AGBL1: variants seen among roughly 807,000 people sequenced by gnomAD.
The protein encoded by AGBL1 is cytosolic carboxypeptidase 4.
AGBL1 carries 130 observed loss-of-function variants against 118.9 expected under a neutral mutation model. That is an observed-to-expected ratio of 1.09 (90% confidence interval 0.95 to 1.26). The LOEUF is 1.26. Among genes scored for constraint, AGBL1 ranks in the 50% most tolerant of loss-of-function variants. AGBL1 has a pLI of 0.00. For synonymous variants in AGBL1, 555 were observed against 478.9 expected, an observed-to-expected ratio of 1.16 and a Z score of -2.08; for missense variants, 1,584 against 1,298.1, an observed-to-expected ratio of 1.22 and a Z score of -3.38.
At chr15:86,459,676 C>A (rs2082305913) in intron 18 of AGBL1, among the ~76,000 whole-genome samples, 1 of 152,092 alleles carries the variant, frequency 6.6e-6, no homozygotes, top group South Asian at 2.1e-4. Context: ...CTCAATTAAT[C>A]CCTACCACAT....
chr15:86,142,011 C>T lies in AGBL1; in HGVS notation c.59C>T (p.Ser20Phe). 6.5e-7 allele frequency: 1 copy of T among 1,550,030 alleles called. No individual in the cohort carries two copies. Among genetic ancestry groups the T allele is most frequent in the South Asian group, 1.2e-5 (1 of 83,896 alleles). Residue 20 changes from serine to phenylalanine, a missense_variant, in exon 2 of 23, where the codon TCT (serine) becomes TTT (phenylalanine). Physicochemically the swap from Ser to Phe is radical, Grantham distance 155. Coordinates refer to ENST00000614907, the MANE Select transcript of AGBL1 (RefSeq NM_001386094.1). ...QVLLHTLQSS[S>F]DKESILTILK... is the part of the protein sequence containing the mutation. ...CCTGTGTTCTCATTGCAGAGCTCCT[C>T]TGACAAGGAGTCCATCCTGACCATC...
intron 19 of AGBL1, among the ~76,000 whole-genome samples, chr15:86,530,362 A>C (rs947356757): frequency 7.4e-6 from 1 of 135,678 alleles, no homozygotes; most frequent in Non-Finnish European, 1.5e-5. Flanking sequence ...GAGACAAAGA[A>C]GGCCATTACA....
At chr15:86,506,361 G>A (rs2082977442) in intron 18 of AGBL1, among the ~76,000 whole-genome samples, 1 of 151,936 alleles carries the variant, frequency 6.6e-6, no homozygotes. Context: ...TCGGTGGTTT[G>A]CCCATTGGTT....
At chr15:86,725,448 C>T (rs1182629152) in intron 22 of AGBL1, among the ~76,000 whole-genome samples, 1 of 152,138 alleles carries the variant, frequency 6.6e-6, no homozygotes, top group African/African-American at 2.4e-5. Flanking sequence ...TTTAGCAGAG[C>T]ATGGGTGAAG....
At chr15:86,197,058 C>T (rs2077825199) in intron 5 of AGBL1, among the ~76,000 whole-genome samples, 1 of 152,178 alleles carries the variant, frequency 6.6e-6, no homozygotes, top group Admixed American at 6.5e-5. Flanking sequence ...TTGCTTAACC[C>T]ACCCAGTCTC....
chr15:86,156,493 G>A (rs149187195), intron 4 of AGBL1, among the ~76,000 whole-genome samples: 8 of 152,234 alleles, frequency 5.3e-5, no homozygotes, highest in South Asian at 2.1e-4. Flanking sequence ...GTCCTACTCC[G>A]AGGTACTGAA....
intron 21 of AGBL1, among the ~76,000 whole-genome samples, chr15:86,565,966 T>G (rs2083907327): frequency 6.6e-6 from 1 of 152,220 alleles, no homozygotes; most frequent in South Asian, 2.1e-4. Flanking sequence ...TGCCATTTGC[T>G]AAGACATTGG....
intron 3 of AGBL1, among the ~76,000 whole-genome samples, chr15:86,145,490 A>G (rs575852632): frequency 9.9e-4 from 151 of 152,340 alleles, no homozygotes; most frequent in Non-Finnish European, 1.9e-3. Flanking sequence ...TATATAGGTC[A>G]CAGCTGAGAA....
intron 17 of AGBL1, among the ~76,000 whole-genome samples, chr15:86,348,300 CAAAG>C (rs1356719843): frequency 1.3e-5 from 2 of 152,208 alleles, no homozygotes; most frequent in African/African-American, 4.8e-5. Context: ...TGTGAAAAGT[CAAAG>C]AAACCAGCCC....
At chr15:86,678,257 A>G (rs1430795122) in intron 22 of AGBL1, among the ~76,000 whole-genome samples, 1 of 152,134 alleles carries the variant, frequency 6.6e-6, no homozygotes, top group African/African-American at 2.4e-5. Flanking sequence ...CTATGGATAA[A>G]TAGACATACA....
intron 6 of AGBL1, among the ~76,000 whole-genome samples, chr15:86,239,856 G>A (rs1461335621): frequency 6.6e-6 from 1 of 152,184 alleles, no homozygotes; most frequent in East Asian, 1.9e-4. Flanking sequence ...TGCAAAGAAT[G>A]TGAACTATGC....
At chr15:86,341,242 T>C (rs1324545270) in intron 17 of AGBL1, among the ~76,000 whole-genome samples, 2 of 152,326 alleles carry the variant, frequency 1.3e-5, no homozygotes, top group Middle Eastern at 3.4e-3. Flanking sequence ...AATGTTATTA[T>C]GTAAAAATTT....
At chr15:86,284,269 A>G (rs1016706546) in intron 16 of AGBL1, among the ~76,000 whole-genome samples, 10 of 150,244 alleles carry the variant, frequency 6.7e-5, no homozygotes, top group African/African-American at 2.5e-4. Flanking sequence ...GTAATTGATT[A>G]TGATTATTTT....
intron 6 of AGBL1, among the ~76,000 whole-genome samples, chr15:86,246,174 C>T (rs942273877): frequency 2.0e-5 from 3 of 152,206 alleles, no homozygotes; most frequent in African/African-American, 7.2e-5. Context: ...TGTGAGCCAC[C>T]ACGCCCGGCC....
intron 22 of AGBL1, among the ~76,000 whole-genome samples, chr15:86,691,080 T>G (rs1284714706): frequency 6.6e-6 from 1 of 152,058 alleles, no homozygotes; most frequent in African/African-American, 2.4e-5. Context: ...TTTTCTCTAT[T>G]AAGAAGTGGA....
At position 86,453,786 on chromosome 15, in the gene AGBL1, G is replaced by T. The variant is rs368209402; in HGVS notation, c.2555+56240G>T. Among the ~76,000 whole-genome samples, 43 of 152,230 alleles carry T rather than the reference G, an allele frequency of 2.8e-4. No individual in the cohort carries two copies. In the South Asian group the frequency reaches 8.9e-3, roughly 32 times the overall value. Reference sequence around the variant, plus strand: ...GTTTGAGTAAAACTTTGTAATAAAAGCACCGACAAAACCCCAGCCTTACCC... The same window carrying T: ...GTTTGAGTAAAACTTTGTAATAAAATCACCGACAAAACCCCAGCCTTACCC... On this transcript the variant is annotated intron_variant, in intron 18 of 22. Transcript: ENST00000614907.
chr15:86,468,202 G>T (rs374118803), intron 18 of AGBL1, among the ~76,000 whole-genome samples: 1 of 151,970 alleles, frequency 6.6e-6, no homozygotes, highest in Non-Finnish European at 1.5e-5. Context: ...CCTCCTCTCC[G>T]CAAGAAGAAA....
intron 24 of AGBL1, among the ~76,000 whole-genome samples, chr15:87,012,307 T>C (rs1340072621): frequency 2.0e-5 from 3 of 151,230 alleles, no homozygotes; most frequent in Non-Finnish European, 2.9e-5. Flanking sequence ...ATAAAGCTAA[T>C]TCCTTGATTT....
chr15:86,087,018 G>C (rs115971299), intron 1 of AGBL1, among the ~76,000 whole-genome samples: 15 of 152,260 alleles, frequency 9.9e-5, no homozygotes, highest in African/African-American at 3.6e-4. Flanking sequence ...CCTATGTTCA[G>C]CTTTATAGAT....
Sources: gnomAD v4.1 joint callset for allele counts (sites outside exome capture counted in the v4.1 genomes callset) on GRCh38, gnomAD v4.1.1 for gene constraint, MANE v1.5 for transcripts, NCBI Gene and HGNC (gene_info 2026-07-23, HGNC 2026-07-21) for gene names.